MAF: variants seen among roughly 807,000 people sequenced by gnomAD.
MAF encodes MAF bZIP transcription factor.
A neutral mutation model predicts 22.0 loss-of-function variants in MAF; 10 were observed. The ratio of observed to expected loss-of-function variants is 0.45; its 90% CI spans 0.28 to 0.77. The LOEUF (loss-of-function observed/expected upper bound fraction) is 0.77. Ranked by LOEUF, MAF falls within the 30% of genes least tolerant of loss-of-function variation. The probability of loss-of-function intolerance (pLI) is 0.12; values close to 1 mark genes in which losing one functional copy is unlikely to be tolerated. For synonymous variants in MAF, 337 were observed against 255.8 expected, an observed-to-expected ratio of 1.32 and a Z score of -3.03; for missense variants, 544 against 548.4, an observed-to-expected ratio of 0.99 and a Z score of 0.08.
chr16:79,402,526 G>A, the MAF span, among the ~76,000 whole-genome samples: 31 of 152,316 alleles, frequency 2.0e-4, no homozygotes, highest in African/African-American at 7.0e-4. Flanking sequence ...TGGGTGTGAC[G>A]GGGGAGAGGT....
chr16:79,379,752 T>C, the MAF span, among the ~76,000 whole-genome samples: 27 of 152,134 alleles, frequency 1.8e-4, no homozygotes, highest in Non-Finnish European at 2.8e-4. Context: ...GGCAGCCTTG[T>C]TGGGTTTCAG....
At chr16:79,436,223 C>T in the MAF span, among the ~76,000 whole-genome samples, 1 of 152,166 alleles carries the variant, frequency 6.6e-6, no homozygotes, top group South Asian at 2.1e-4. Context: ...GCTGGGACTA[C>T]AGGTGCTCAC....
At chr16:79,245,205 A>G in the MAF span, among the ~76,000 whole-genome samples, 2 of 152,092 alleles carry the variant, frequency 1.3e-5, no homozygotes, top group African/African-American at 2.4e-5. Flanking sequence ...ACAAAAGCCA[A>G]AATTGACAAA....
At chr16:79,330,460 T>C in the MAF span, among the ~76,000 whole-genome samples, 1 of 152,134 alleles carries the variant, frequency 6.6e-6, no homozygotes, top group African/African-American at 2.4e-5. Flanking sequence ...GTTGGAGGAA[T>C]GGTGAGAGCC....
At chr16:79,295,471 G>C in the MAF span, among the ~76,000 whole-genome samples, 81 of 152,298 alleles carry the variant, frequency 5.3e-4, no homozygotes, top group African/African-American at 1.8e-3. Flanking sequence ...TTTGAACATG[G>C]TTTGAACAGT....
downstream of MAF, among the ~76,000 whole-genome samples, chr16:79,583,791 GTT>G (rs1429897145): frequency 1.3e-5 from 2 of 151,758 alleles, no homozygotes; most frequent in Non-Finnish European, 2.9e-5. Context: ...ATCATCATGT[GTT>G]TCCCTGGCAA....
chr16:79,337,849 T>C, the MAF span, among the ~76,000 whole-genome samples: 1 of 152,182 alleles, frequency 6.6e-6, no homozygotes, highest in East Asian at 1.9e-4. Context: ...ACACTGTAAG[T>C]TCCAAGTAAA....
chr16:79,240,877 C>A, the MAF span, among the ~76,000 whole-genome samples: 1 of 152,018 alleles, frequency 6.6e-6, no homozygotes, highest in Non-Finnish European at 1.5e-5. Context: ...TGTTCTGCAG[C>A]CTCCATTGGT....
the MAF span, chr16:79,212,629 C>G: frequency 1.3e-5 from 2 of 152,512 alleles, no homozygotes; most frequent in African/African-American, 4.8e-5. Flanking sequence ...TGCTGTGCCT[C>G]GCATCCTATG....
the MAF span, among the ~76,000 whole-genome samples, chr16:79,316,156 G>A: frequency 1.3e-5 from 2 of 152,236 alleles, no homozygotes; most frequent in East Asian, 1.9e-4. Flanking sequence ...CTGTTAGAAC[G>A]TGACTCACCC....
At chr16:79,525,014 A>C in the MAF span, among the ~76,000 whole-genome samples, 7 of 152,344 alleles carry the variant, frequency 4.6e-5, no homozygotes, top group East Asian at 1.4e-3. Flanking sequence ...AGATTTAAAA[A>C]ATTGGACCCA....
chr16:79,223,425 C>G, the MAF span, among the ~76,000 whole-genome samples: 1 of 152,000 alleles, frequency 6.6e-6, no homozygotes, highest in Non-Finnish European at 1.5e-5. Flanking sequence ...GATCTAAAAT[C>G]GACACTCTAA....
At chr16:79,554,226 G>A in the MAF span, among the ~76,000 whole-genome samples, 1 of 152,144 alleles carries the variant, frequency 6.6e-6, no homozygotes, top group East Asian at 1.9e-4. Context: ...TTCCTAATGA[G>A]ATCCTCCAAA....
chr16:79,260,148 T>G, the MAF span, among the ~76,000 whole-genome samples: 1 of 152,214 alleles, frequency 6.6e-6, no homozygotes, highest in East Asian at 1.9e-4. Flanking sequence ...TATCTTATTT[T>G]GTTTGGTGTT....
the MAF span, among the ~76,000 whole-genome samples, chr16:79,420,239 T>C: frequency 2.0e-5 from 3 of 152,172 alleles, no homozygotes; most frequent in Non-Finnish European, 4.4e-5. Context: ...GCATCAGTGT[T>C]CTTGTATGGC....
chr16:79,525,331 T>A, the MAF span, among the ~76,000 whole-genome samples: 1 of 152,202 alleles, frequency 6.6e-6, no homozygotes. Flanking sequence ...AATTCCTTTC[T>A]GACTTGGCAA....
At position 79,588,109 on chromosome 16, in the gene MAF, C is replaced by A. The variant is rs111636839; in HGVS notation, c.1119-2168G>T. ...CTGTTTACCTAACAATTGAAGAGTT[C>A]TTTAAATAGTACAGGAGCATGCACT... is the stretch of plus-strand genomic sequence containing the variant. On this transcript the variant is annotated intron_variant, in intron 1 of 1. Coordinates refer to the MAF transcript ENST00000569649. 5.9e-3 allele frequency among the ~76,000 whole-genome samples: 901 copies of A among 152,282 alleles called. 7 individuals are homozygous for A. The highest frequency in any genetic ancestry group is 0.021 in the African/African-American group (861 of 41,558).
chr16:79,392,638 G>C, the MAF span, among the ~76,000 whole-genome samples: 30 of 152,138 alleles, frequency 2.0e-4, no homozygotes, highest in Non-Finnish European at 3.7e-4. Flanking sequence ...GATGTTTACT[G>C]ATGAGGTTTT....
the MAF span, among the ~76,000 whole-genome samples, chr16:79,367,134 C>T: frequency 6.6e-6 from 1 of 152,102 alleles, no homozygotes; most frequent in African/African-American, 2.4e-5. Context: ...GCCATATACA[C>T]ACGGAAATCT....
Sources: gnomAD v4.1 joint callset for allele counts (sites outside exome capture counted in the v4.1 genomes callset) on GRCh38, gnomAD v4.1.1 for gene constraint, MANE v1.5 for transcripts, NCBI Gene and HGNC (gene_info 2026-07-23, HGNC 2026-07-21) for gene names.